CDC14B: variants seen among roughly 807,000 people sequenced by gnomAD.
CDC14B encodes the protein cell division cycle 14B, also known as dual specificity protein phosphatase CDC14B.
A neutral mutation model predicts 64.2 loss-of-function variants in CDC14B; 22 were observed. The observed-to-expected ratio is 0.34, with a 90% CI of 0.24 to 0.49. The LOEUF (loss-of-function observed/expected upper bound fraction) is 0.49, where lower values mean the gene tolerates loss of function less well. CDC14B is among the 20% of genes least tolerant of loss of function. CDC14B has a pLI of 0.99. For missense variants in CDC14B, 498 were observed against 629.9 expected, an observed-to-expected ratio of 0.79 and a Z score of 2.24; for synonymous variants, 191 against 215.8, an observed-to-expected ratio of 0.89 and a Z score of 1.01.
chr9:96,564,409 T>A (rs1257081815), intron 3 of CDC14B, among the ~76,000 whole-genome samples: 1 of 152,188 alleles, frequency 6.6e-6, no homozygotes, highest in Non-Finnish European at 1.5e-5. Context: ...TCACTCCCCA[T>A]CAAAATGAAG....
At chr9:96,555,805 T>G (rs1380911000) in intron 4 of CDC14B, among the ~76,000 whole-genome samples, 1 of 152,182 alleles carries the variant, frequency 6.6e-6, no homozygotes, top group African/African-American at 2.4e-5. Context: ...GTTCTTTTTT[T>G]GCTGAACAAT....
chr9:96,606,530 TGTG>T, intron 1 of CDC14B, among the ~76,000 whole-genome samples: 1 of 54,210 alleles, frequency 1.8e-5, no homozygotes, highest in African/African-American at 1.5e-4. Context: ...TAAAAGTTTG[TGTG>T]TGTGTGTGTG....
chr9:96,579,598 AAG>A lies in CDC14B; in HGVS notation c.161-14117_161-14116del, dbSNP rs1471495469. The stretch of plus-strand genomic sequence containing the variant: ...AGACTCTGTCTCAAAAAAAAAAAAA[AAG>A]GGAGATACCAGAGCACTCTCTCCCA... On this transcript the variant is annotated intron_variant, in intron 1 of 13. Transcript: ENST00000375241. Among the ~76,000 whole-genome samples, 3 of 151,596 alleles carry A rather than the reference AAG, an allele frequency of 2.0e-5. No individual in the cohort carries two copies. The East Asian group carries it at 5.8e-4, about 29-fold the overall frequency.
chr9:96,549,382 G>A (rs942612776), intron 5 of CDC14B, among the ~76,000 whole-genome samples: 5 of 152,094 alleles, frequency 3.3e-5, no homozygotes, highest in South Asian at 2.1e-4. Flanking sequence ...GTCACAGATC[G>A]GCACCAGTTC....
intron 1 of CDC14B, chr9:96,566,984 C>T: frequency 3.5e-6 from 5 of 1,443,664 alleles, no homozygotes; most frequent in Non-Finnish European, 4.6e-6. Flanking sequence ...CACGACAGCG[C>T]AACCCCGGAA....
chr9:96,589,346 A>G (rs1242555148), intron 1 of CDC14B, among the ~76,000 whole-genome samples: 2 of 152,162 alleles, frequency 1.3e-5, no homozygotes, highest in Non-Finnish European at 2.9e-5. Flanking sequence ...CTTAAAAAAA[A>G]AAAAAATACA....
At chr9:96,493,181 C>T (rs1833129539) in exon 14 of CDC14B, 1 of 152,432 alleles carries the variant, frequency 6.6e-6, no homozygotes, top group African/African-American at 2.4e-5. Flanking sequence ...AAAGGCAGAA[C>T]AGGAGCTGCC....
chr9:96,576,557 C>T (rs1844812484), intron 1 of CDC14B, among the ~76,000 whole-genome samples: 1 of 148,908 alleles, frequency 6.7e-6, no homozygotes, highest in Non-Finnish European at 1.5e-5. Flanking sequence ...TGCTTGAACC[C>T]AGGATGCAGA....
At chr9:96,523,758 T>C in intron 9 of CDC14B, 33 bp from the exon 10 acceptor site, 1 of 1,600,568 alleles carries the variant, frequency 6.2e-7, no homozygotes, top group East Asian at 2.2e-5. Context: ...AAATGAAACT[T>C]GGGCTGATGT....
At chr9:96,538,672 C>G (rs901858042) in intron 7 of CDC14B, 2 of 157,634 alleles carry the variant, frequency 1.3e-5, no homozygotes, top group Non-Finnish European at 2.8e-5. Context: ...CTGCAGTGAG[C>G]CATGTATACC....
At chr9:96,512,360 C>T (rs1464126757) in intron 12 of CDC14B, among the ~76,000 whole-genome samples, 1 of 147,050 alleles carries the variant, frequency 6.8e-6, no homozygotes, top group Non-Finnish European at 1.5e-5. Context: ...CAGGGTCTCA[C>T]TCTGTTGCCC....
chr9:96,568,642 G>A (rs968899355), intron 1 of CDC14B, among the ~76,000 whole-genome samples: 5 of 152,206 alleles, frequency 3.3e-5, no homozygotes, highest in African/African-American at 9.6e-5. Context: ...CTAGACAGAC[G>A]TGGCGGCTCA....
At chr9:96,583,651 C>T (rs574166856) in intron 1 of CDC14B, among the ~76,000 whole-genome samples, 30 of 152,048 alleles carry the variant, frequency 2.0e-4, no homozygotes, top group Non-Finnish European at 3.5e-4. Context: ...CCGCCTCAGC[C>T]TCCCAAAGTG....
At chr9:96,495,107 T>C (rs1355495720) in intron 13 of CDC14B, among the ~76,000 whole-genome samples, 1 of 152,030 alleles carries the variant, frequency 6.6e-6, no homozygotes, top group Admixed American at 6.6e-5. Flanking sequence ...GTGCTGGGAT[T>C]ACAGGCGTGA....
chr9:96,538,199 T>C (rs1839552121), intron 7 of CDC14B, among the ~76,000 whole-genome samples: 1 of 152,216 alleles, frequency 6.6e-6, no homozygotes, highest in Non-Finnish European at 1.5e-5. Context: ...TCTCAATCAC[T>C]GTGTGACAGC....
chr9:96,553,652 T>C (rs748568379), intron 4 of CDC14B, among the ~76,000 whole-genome samples: 13 of 151,422 alleles, frequency 8.6e-5, no homozygotes, highest in Non-Finnish European at 1.6e-4. Context: ...TGAGCCACCA[T>C]GTCCGGCCTA....
At chr9:96,602,379 T>TG in intron 1 of CDC14B, among the ~76,000 whole-genome samples, 1 of 152,312 alleles carries the variant, frequency 6.6e-6, no homozygotes, top group African/African-American at 2.4e-5. Flanking sequence ...TGCTGAGATT[T>TG]GGGGGTCTTA....
At chr9:96,617,915 G>A (rs1444812297) in intron 1 of CDC14B, among the ~76,000 whole-genome samples, 1 of 152,150 alleles carries the variant, frequency 6.6e-6, no homozygotes, top group African/African-American at 2.4e-5. Context: ...TCCTCGGCGA[G>A]GCCCTCTCCT....
intron 1 of CDC14B, among the ~76,000 whole-genome samples, chr9:96,568,602 G>T (rs1048368691): frequency 6.6e-6 from 1 of 152,178 alleles, no homozygotes; most frequent in African/African-American, 2.4e-5. Flanking sequence ...GGGAAGTTTG[G>T]GAGAAATGTT....
Sources: allele counts gnomAD v4.1 joint callset (sites outside exome capture counted in the v4.1 genomes callset), GRCh38; gene constraint gnomAD v4.1.1; transcripts MANE v1.5; gene names NCBI Gene and HGNC (gene_info 2026-07-23, HGNC 2026-07-21).